The following RUNDC3B variants were observed in gnomAD, a reference collection of about 807,000 sequenced individuals.
RUNDC3B encodes the protein RUN domain-containing protein 3B.
In RUNDC3B, 33 loss-of-function variants were observed where a neutral mutation model predicts 58.4. The observed-to-expected ratio is 0.56, with a 90% CI of 0.43 to 0.75. The LOEUF (loss-of-function observed/expected upper bound fraction) is 0.75. Among genes scored for constraint, RUNDC3B ranks in the 30% least tolerant of loss-of-function variants. The probability of loss-of-function intolerance (pLI) is 0.00; values close to 1 mark genes in which losing one functional copy is unlikely to be tolerated. For synonymous variants in RUNDC3B, 193 were observed against 195.2 expected (o/e 0.99, Z 0.10); for missense variants, 501 against 535.7 (o/e 0.94, Z 0.64).
At position 87,701,919 on chromosome 7, in the gene RUNDC3B, G is replaced by A. The variant is rs532145962; in HGVS notation, c.372+1365G>A. 1.9e-4 allele frequency among the ~76,000 whole-genome samples: 29 copies of A among 151,988 alleles called. No homozygotes were observed. The South Asian group carries it at 5.6e-3, about 29-fold the overall frequency. On this transcript the variant is annotated intron_variant, in intron 3 of 10. Transcript: ENST00000394654. ...AGCACTTTGGGAGGCCGAGGCAGGC[G>A]GATCACGAGGTCAGGAGATCGAGAC...
intron 10 of RUNDC3B, among the ~76,000 whole-genome samples, chr7:87,822,503 A>G (rs1156252164): frequency 1.3e-5 from 2 of 152,222 alleles, no homozygotes; most frequent in South Asian, 2.1e-4. Flanking sequence ...ATCTAGAACT[A>G]GAAATACCAT....
chr7:87,824,504 T>C lies in RUNDC3B; in HGVS notation c.1226-5381T>C, dbSNP rs73393818. Among the ~76,000 whole-genome samples, 357 of 152,282 alleles carry C rather than the reference T, an allele frequency of 2.3e-3. 3 individuals carry two copies. The highest frequency in any genetic ancestry group is 8.4e-3 in the African/African-American group (348 of 41,554). Reference sequence around the variant, plus strand: ...ATTGCCTAGTCTTGGGTACGTCTTATCAGCAGTGTGAAAGTGGACTAATAT... The same window carrying C: ...ATTGCCTAGTCTTGGGTACGTCTTACCAGCAGTGTGAAAGTGGACTAATAT... On this transcript the variant is annotated intron_variant, in intron 10 of 10. Coordinates refer to ENST00000394654, the MANE Select transcript of RUNDC3B (RefSeq NM_001134405.2).
In RUNDC3B at chr7:87,633,336, T is replaced by C. The variant is rs1463397543; in HGVS notation, c.122+4391T>C. On this transcript the variant is annotated intron_variant, in intron 1 of 10. Coordinates refer to ENST00000394654, the MANE Select transcript of RUNDC3B (RefSeq NM_001134405.2). ...TTTAAAAAATGATTACACGTTTCCC[T>C]ACCTTCTTGACAAAGACTATACATA... 2.6e-5 allele frequency among the ~76,000 whole-genome samples: 4 copies of C among 152,350 alleles called. No homozygotes were observed. The South Asian group carries it at 6.2e-4, about 24-fold the overall frequency.
At chr7:87,678,991 C>T (rs918599287) in intron 2 of RUNDC3B, among the ~76,000 whole-genome samples, 1 of 151,842 alleles carries the variant, frequency 6.6e-6, no homozygotes, top group Non-Finnish European at 1.5e-5. Context: ...GTCAACACTC[C>T]TCTCATAATA....
At chr7:87,662,897 GT>G (rs1243031107) in intron 2 of RUNDC3B, among the ~76,000 whole-genome samples, 1 of 151,910 alleles carries the variant, frequency 6.6e-6, no homozygotes, top group South Asian at 2.1e-4. Context: ...ATATCTTTCA[GT>G]TTTTTTGTGT....
At chr7:87,684,746 C>CAAAAAAAAAAAAAAAAAAAA (rs71524694) in intron 2 of RUNDC3B, among the ~76,000 whole-genome samples, 7 of 37,782 alleles carry the variant, frequency 1.9e-4, no homozygotes, top group Admixed American at 4.1e-4. Flanking sequence ...GACTCCGTCT[C>CAAAAAAAAAAAAAAAAAAAA]AAAAAAAAAA....
intron 2 of RUNDC3B, among the ~76,000 whole-genome samples, chr7:87,671,927 G>A (rs901765253): frequency 2.6e-5 from 4 of 152,274 alleles, no homozygotes; most frequent in African/African-American, 9.6e-5. Context: ...CAGGAGTGCT[G>A]GAGGCCCTGG....
rs557040251 is a variant in RUNDC3B, at chr7:87,816,211, C to A, written c.1174C>A (p.Gln392Lys). ...SLSQTSLDPG[Q>K]SQEGDGKQDT... The stretch of plus-strand genomic sequence containing the variant: ...TTCTCAGACTTCACTAGATCCAGGC[C>A]AGTCACAAGAAGGAGATGGAAAACA... Residue 392 changes from glutamine to lysine, a missense_variant, in exon 10 of 11, where the codon CAG (glutamine) becomes AAG (lysine). Coordinates refer to ENST00000394654, the MANE Select transcript of RUNDC3B (RefSeq NM_001134405.2). The A allele has an allele frequency of 6.2e-7, 1 of 1,610,450 alleles. No individual in the cohort carries two copies. The highest frequency in any genetic ancestry group is 2.2e-5 in the East Asian group (1 of 44,798).
At chr7:87,710,718 C>A in intron 4 of RUNDC3B, 63 bp downstream of exon 4, 2 of 887,940 alleles carry the variant, frequency 2.3e-6, no homozygotes, top group South Asian at 1.6e-5. Flanking sequence ...ACTCAGAAAT[C>A]AGAATAGGAT....
chr7:87,823,316 G>A (rs1837597722), intron 10 of RUNDC3B, among the ~76,000 whole-genome samples: 1 of 152,006 alleles, frequency 6.6e-6, no homozygotes, highest in African/African-American at 2.4e-5. Flanking sequence ...AAGTCACATA[G>A]CCCTTTCCAT....
intron 2 of RUNDC3B, among the ~76,000 whole-genome samples, chr7:87,686,152 A>G (rs114436184): frequency 9.1e-4 from 138 of 151,788 alleles, no homozygotes; most frequent in African/African-American, 3.3e-3. Context: ...TCCACCCACA[A>G]TTTTTTTTCT....
At chr7:87,788,994 T>C (rs773390678) in intron 8 of RUNDC3B, among the ~76,000 whole-genome samples, 53 of 152,214 alleles carry the variant, frequency 3.5e-4, no homozygotes, top group Non-Finnish European at 5.6e-4. Context: ...CTGAAGTAGT[T>C]AGATTTAACA....
intron 6 of RUNDC3B, among the ~76,000 whole-genome samples, chr7:87,766,499 T>C (rs994110389): frequency 2.0e-5 from 3 of 152,144 alleles, no homozygotes; most frequent in Non-Finnish European, 4.4e-5. Context: ...TCTTCATTGA[T>C]GAAGCTTAGT....
intron 2 of RUNDC3B, among the ~76,000 whole-genome samples, chr7:87,689,799 T>C (rs921817222): frequency 6.6e-6 from 1 of 152,158 alleles, no homozygotes; most frequent in African/African-American, 2.4e-5. Flanking sequence ...GTGAACAATA[T>C]CGCTGCAAGC....
At chr7:87,720,745 C>T (rs1205036469) in intron 4 of RUNDC3B, among the ~76,000 whole-genome samples, 6 of 151,338 alleles carry the variant, frequency 4.0e-5, no homozygotes, top group African/African-American at 7.3e-5. Context: ...GGACTACAGA[C>T]GCGTGCCACC....
chr7:87,753,706 T>G (rs1458223364), intron 6 of RUNDC3B, among the ~76,000 whole-genome samples: 1 of 152,206 alleles, frequency 6.6e-6, no homozygotes, highest in African/African-American at 2.4e-5. Flanking sequence ...AAGTCATCCT[T>G]AAATTCTCTG....
intron 10 of RUNDC3B, among the ~76,000 whole-genome samples, chr7:87,829,264 G>A (rs1206184042): frequency 2.0e-5 from 3 of 152,178 alleles, no homozygotes; most frequent in Non-Finnish European, 4.4e-5. Context: ...TCTGGAGGTT[G>A]TCTGTTTACC....
At chr7:87,797,137 G>C (rs983733792) in intron 8 of RUNDC3B, among the ~76,000 whole-genome samples, 1 of 152,110 alleles carries the variant, frequency 6.6e-6, no homozygotes, top group Non-Finnish European at 1.5e-5. Flanking sequence ...TAGCTGTAAA[G>C]GAGCAGAGTT....
intron 6 of RUNDC3B, among the ~76,000 whole-genome samples, chr7:87,762,101 A>G (rs541509810): frequency 6.6e-6 from 1 of 151,688 alleles, no homozygotes; most frequent in African/African-American, 2.4e-5. Context: ...TCTGGTTAAG[A>G]ATGTTTTCTT....
Sources: allele counts gnomAD v4.1 joint callset (sites outside exome capture counted in the v4.1 genomes callset), GRCh38; gene constraint gnomAD v4.1.1; transcripts MANE v1.5; gene names NCBI Gene and HGNC (gene_info 2026-07-23, HGNC 2026-07-21).